ADAM22: variants seen among roughly 807,000 people sequenced by gnomAD.
ADAM22 encodes the protein ADAM metallopeptidase domain 22.
Under a neutral mutation model 144.6 loss-of-function variants are expected in ADAM22, and 65 were observed. The ratio of observed to expected loss-of-function variants is 0.45; its 90% confidence interval spans 0.37 to 0.55. ADAM22 has a LOEUF of 0.55. Among genes scored for constraint, ADAM22 ranks in the 20% least tolerant of loss-of-function variants. The probability of loss-of-function intolerance (pLI) is 0.00; values close to 1 mark genes in which losing one functional copy is unlikely to be tolerated. For missense variants in ADAM22, 974 were observed against 1,184.9 expected (o/e 0.82, Z 2.61); for synonymous variants, 391 against 412.6 (o/e 0.95, Z 0.63).
At chr7:88,009,541 C>T (rs1423392517) in intron 3 of ADAM22, among the ~76,000 whole-genome samples, 3 of 151,866 alleles carry the variant, frequency 2.0e-5, no homozygotes, top group South Asian at 4.1e-4. Flanking sequence ...TTTTGAAATG[C>T]CTTTTAAAAT....
At chr7:87,978,650 T>C (rs1001066410) in intron 3 of ADAM22, among the ~76,000 whole-genome samples, 1 of 152,228 alleles carries the variant, frequency 6.6e-6, no homozygotes, top group Non-Finnish European at 1.5e-5. Flanking sequence ...AGGCAAGAGT[T>C]ACCCCAATAT....
At chr7:88,194,519 A>G (rs1850280638) in intron 31 of ADAM22, among the ~76,000 whole-genome samples, 1 of 152,096 alleles carries the variant, frequency 6.6e-6, no homozygotes, top group South Asian at 2.1e-4. Context: ...AGATCTTCCT[A>G]TCAGCAGCCC....
At chr7:88,001,420 GT>G (rs1244715768) in intron 3 of ADAM22, among the ~76,000 whole-genome samples, 4 of 152,086 alleles carry the variant, frequency 2.6e-5, no homozygotes, top group Non-Finnish European at 5.9e-5. Flanking sequence ...CATTCAAAAA[GT>G]TTTGAATTTT....
intron 5 of ADAM22, among the ~76,000 whole-genome samples, chr7:88,113,729 T>A (rs28760415): frequency 4.0e-5 from 5 of 124,740 alleles, no homozygotes; most frequent in Admixed American, 3.3e-4. Context: ...TATATATATA[T>A]ATATATATAT....
intron 3 of ADAM22, among the ~76,000 whole-genome samples, chr7:87,988,224 G>A (rs1277489494): frequency 6.6e-6 from 1 of 152,128 alleles, no homozygotes; most frequent in Non-Finnish European, 1.5e-5. Flanking sequence ...GAATCTACAA[G>A]CAGCAAGGCA....
At chr7:87,949,986 T>C (rs950288132) in intron 2 of ADAM22, among the ~76,000 whole-genome samples, 10 of 151,828 alleles carry the variant, frequency 6.6e-5, no homozygotes, top group Non-Finnish European at 1.2e-4. Context: ...TTACCCATAC[T>C]CCATGAAATC....
chr7:87,983,362 T>C (rs1854189174), intron 3 of ADAM22, among the ~76,000 whole-genome samples: 1 of 152,134 alleles, frequency 6.6e-6, no homozygotes, highest in Non-Finnish European at 1.5e-5. Context: ...AGTATTTTTG[T>C]TTTTATAGGC....
intron 3 of ADAM22, among the ~76,000 whole-genome samples, chr7:87,995,804 T>C (rs1042039971): frequency 4.6e-5 from 7 of 152,242 alleles, no homozygotes; most frequent in Admixed American, 2.6e-4. Context: ...ATGTCACTCA[T>C]TCCCTTACAG....
rs1339044962 is a variant in ADAM22 at position 88,179,923 on chromosome 7, C to T, written c.2495+794C>T. On this transcript the variant is annotated intron_variant, in intron 27 of 31. Coordinates refer to ENST00000413139, the MANE Select transcript of ADAM22 (RefSeq NM_001324418.2). Reference sequence around the variant, plus strand: ...GGAAAAAAGGTTTGGTAGCCCTGCTCATGCCTTTGGGCACATTAGCTACTT... The same window carrying T: ...GGAAAAAAGGTTTGGTAGCCCTGCTTATGCCTTTGGGCACATTAGCTACTT... 2.0e-5 allele frequency among the ~76,000 whole-genome samples: 3 copies of T among 152,050 alleles called. No individual in the cohort carries two copies. The East Asian group carries it at 5.8e-4, about 29-fold the overall frequency.
At position 88,181,963 on chromosome 7, in the gene ADAM22, C is replaced by G. The variant is rs1195153330; in HGVS notation, c.2602C>G (p.Leu868Val). The part of the protein sequence containing the change: ...RPRSNSWQGN[L>V]GGNKKKIRGK... ...CTCTAAACCGTCTTTTTCAGGTAACCTGGGAGGCAACAAAAAGAAAATCAG... is the reference window on the plus strand; with the variant it reads ...CTCTAAACCGTCTTTTTCAGGTAACGTGGGAGGCAACAAAAAGAAAATCAG... The change falls in exon 29 of 32, where the codon CTG becomes GTG. Residue 868 changes from leucine to valine, a missense_variant. Physicochemically the swap from Leu to Val is conservative, Grantham distance 32 (BLOSUM62 1). This residue lies in a region of ADAM22 where 734 missense variants were observed against 950.6 expected (regional missense o/e 0.77). Coordinates refer to ENST00000413139, the MANE Select transcript of ADAM22 (RefSeq NM_001324418.2). 1.2e-6 allele frequency: 2 copies of G among 1,613,542 alleles called. No homozygotes were observed. The highest frequency in any genetic ancestry group is 8.5e-7 in the Non-Finnish European group (1 of 1,179,682).
intron 3 of ADAM22, among the ~76,000 whole-genome samples, chr7:88,033,042 C>G (rs1037611206): frequency 1.3e-5 from 2 of 152,158 alleles, no homozygotes; most frequent in Non-Finnish European, 2.9e-5. Flanking sequence ...TGAGAATGGA[C>G]TAATACATTT....
intron 3 of ADAM22, among the ~76,000 whole-genome samples, chr7:88,007,011 T>G (rs1401075064): frequency 1.3e-5 from 2 of 152,272 alleles, no homozygotes; most frequent in Non-Finnish European, 2.9e-5. Flanking sequence ...CCCCATTGTC[T>G]CAGCCCAAAA....
At chr7:88,079,305 T>G (rs1320334695) in intron 4 of ADAM22, among the ~76,000 whole-genome samples, 2 of 152,156 alleles carry the variant, frequency 1.3e-5, no homozygotes, top group African/African-American at 4.8e-5. Context: ...CTGAGAGATT[T>G]TGTCACCACC....
intron 3 of ADAM22, among the ~76,000 whole-genome samples, chr7:87,992,083 A>G (rs1001315603): frequency 5.9e-5 from 9 of 152,234 alleles, no homozygotes; most frequent in Admixed American, 2.6e-4. Context: ...CTGGTGATCT[A>G]TAGTGCAAGA....
At chr7:88,147,261 A>G (rs570197516) in intron 17 of ADAM22, among the ~76,000 whole-genome samples, 1 of 152,308 alleles carries the variant, frequency 6.6e-6, no homozygotes, top group African/African-American at 2.4e-5. Flanking sequence ...CTGCCACCCT[A>G]GACTCCTAGG....
At chr7:88,132,624 C>A in intron 11 of ADAM22, 2 of 358,876 alleles carry the variant, frequency 5.6e-6, no homozygotes, top group Non-Finnish European at 5.2e-6. Flanking sequence ...TCATATCAAC[C>A]AATTATTTTT....
intron 3 of ADAM22, among the ~76,000 whole-genome samples, chr7:87,991,219 A>G (rs1789750596): frequency 6.6e-6 from 1 of 151,988 alleles, no homozygotes; most frequent in African/African-American, 2.4e-5. Context: ...ATATCTTAGA[A>G]TTGATTTCTA....
At position 87,957,568 on chromosome 7, in the gene ADAM22, T is replaced by C. The variant is rs117753218; in HGVS notation, c.247-20768T>C. Among the ~76,000 whole-genome samples the C allele has an allele frequency of 1.4e-4, 21 of 152,110 alleles. No individual in the cohort carries two copies. In the East Asian group the frequency reaches 3.7e-3, roughly 27 times the overall value. On this transcript the variant is annotated intron_variant, in intron 2 of 31. Coordinates refer to ENST00000413139, the MANE Select transcript of ADAM22 (RefSeq NM_001324418.2). ...CAACTGGTGTGCATCCTTTCCGTCTTTGTTTTCTTTTCTTCTTCTTTTTTT... is the reference window on the plus strand; with the variant it reads ...CAACTGGTGTGCATCCTTTCCGTCTCTGTTTTCTTTTCTTCTTCTTTTTTT...
At chr7:88,070,322 T>C (rs1197299730) in intron 3 of ADAM22, among the ~76,000 whole-genome samples, 2 of 152,180 alleles carry the variant, frequency 1.3e-5, no homozygotes, top group Admixed American at 1.3e-4. Flanking sequence ...TAGAAACTCT[T>C]TTGTCTAGCT....
Sources: allele counts gnomAD v4.1 joint callset (sites outside exome capture counted in the v4.1 genomes callset), GRCh38; gene constraint gnomAD v4.1.1; regional missense constraint gnomAD v4.1.1; transcripts MANE v1.5; gene names NCBI Gene and HGNC (gene_info 2026-07-23, HGNC 2026-07-21).